PLCG2: variants seen among roughly 807,000 people sequenced by gnomAD.
PLCG2 encodes the protein phospholipase C gamma 2, also known as 1-phosphatidylinositol 4,5-bisphosphate phosphodiesterase gamma-2.
In PLCG2, 69 loss-of-function variants were observed where a neutral mutation model predicts 175.6. The ratio of observed to expected loss-of-function variants is 0.39; its 90% CI spans 0.32 to 0.48. The LOEUF is 0.48. Ranked by LOEUF, PLCG2 falls within the 20% of genes least tolerant of loss-of-function variation. The pLI is 0.91. For synonymous variants in PLCG2, 827 were observed against 624.0 expected, an observed-to-expected ratio of 1.33 and a Z score of -4.85; for missense variants, 1,798 against 1,650.9, an observed-to-expected ratio of 1.09 and a Z score of -1.54.
intron 19 of PLCG2, among the ~76,000 whole-genome samples, chr16:81,914,392 G>T (rs1438004697): frequency 1.3e-5 from 2 of 152,168 alleles, no homozygotes; most frequent in Non-Finnish European, 2.9e-5. Flanking sequence ...CCCCCTCCCT[G>T]AGCCAGGTGG....
intron 14 of PLCG2, among the ~76,000 whole-genome samples, chr16:81,904,930 C>T (rs1030386925): frequency 5.9e-5 from 9 of 152,178 alleles, no homozygotes; most frequent in African/African-American, 2.2e-4. Flanking sequence ...CTCTGTTGCC[C>T]AGGCTGGAGT....
At chr16:81,832,900 G>A (rs1905323993) in intron 2 of PLCG2, among the ~76,000 whole-genome samples, 1 of 152,230 alleles carries the variant, frequency 6.6e-6, no homozygotes, top group Non-Finnish European at 1.5e-5. Flanking sequence ...GTCAGCGTGT[G>A]AGGCCCAGGC....
At chr16:81,909,935 T>C (rs1017309358) in intron 17 of PLCG2, among the ~76,000 whole-genome samples, 2 of 141,762 alleles carry the variant, frequency 1.4e-5, no homozygotes, top group African/African-American at 5.2e-5. Context: ...TTGGTTCATA[T>C]GTGGCAGAGC....
At chr16:81,787,211 T>C (rs977290160) in intron 2 of PLCG2, among the ~76,000 whole-genome samples, 6 of 65,218 alleles carry the variant, frequency 9.2e-5, no homozygotes, top group African/African-American at 2.5e-4. Flanking sequence ...ATTGTACTCT[T>C]TTTTTTTTAA....
chr16:81,750,903 G>T (rs1325991556), intron 1 of PLCG2, among the ~76,000 whole-genome samples: 1 of 148,148 alleles, frequency 6.8e-6, no homozygotes, highest in Non-Finnish European at 1.5e-5. Context: ...TCGATCTCCT[G>T]ACCTCAAGAT....
In PLCG2 at chr16:81,871,568, C is replaced by T. The variant is rs543711935; in HGVS notation, c.648+633C>T. ...GGGTGGGCAGGTCTCGAACTTCTAA[C>T]CTCAACTGATCGGCCCGCCTCCACT... On this transcript the variant is annotated intron_variant, in intron 7 of 32. Coordinates refer to ENST00000564138, the MANE Select transcript of PLCG2 (RefSeq NM_002661.5). Among the ~76,000 whole-genome samples the T allele has an allele frequency of 4.6e-5, 7 of 152,260 alleles. No individual in the cohort carries two copies. The East Asian group carries it at 7.7e-4, about 17-fold the overall frequency.
At chr16:81,885,179 A>G (rs1908297271) in intron 9 of PLCG2, among the ~76,000 whole-genome samples, 1 of 152,072 alleles carries the variant, frequency 6.6e-6, no homozygotes, top group Non-Finnish European at 1.5e-5. Flanking sequence ...GGCGTCTGCC[A>G]CAACACCTGT....
At chr16:81,913,970 GC>G (rs1322237997) in intron 19 of PLCG2, among the ~76,000 whole-genome samples, 2 of 152,238 alleles carry the variant, frequency 1.3e-5, no homozygotes, top group Admixed American at 1.3e-4. Flanking sequence ...CACCAGCATG[GC>G]TTTTCTGTAC....
intron 2 of PLCG2, among the ~76,000 whole-genome samples, chr16:81,851,046 G>A (rs951581908): frequency 1.1e-4 from 17 of 152,164 alleles, no homozygotes; most frequent in African/African-American, 4.1e-4. Context: ...CCTCAGTGGG[G>A]TGTGACGGGG....
intron 2 of PLCG2, among the ~76,000 whole-genome samples, chr16:81,795,150 T>C (rs1911410246): frequency 6.6e-6 from 1 of 152,218 alleles, no homozygotes; most frequent in Non-Finnish European, 1.5e-5. Flanking sequence ...TGAAGATCTC[T>C]AGAGGATCTT....
intron 1 of PLCG2, among the ~76,000 whole-genome samples, chr16:81,784,689 G>T (rs1411344866): frequency 6.6e-6 from 1 of 152,110 alleles, no homozygotes. Context: ...TTGTTTTAAG[G>T]GCCTGAGATA....
intron 7 of PLCG2, among the ~76,000 whole-genome samples, chr16:81,871,564 C>A (rs1308657731): frequency 6.6e-6 from 1 of 152,174 alleles, no homozygotes; most frequent in African/African-American, 2.4e-5. Context: ...TCTCGAACTT[C>A]TAACCTCAAC....
At chr16:81,888,697 C>A (rs2143593639) in intron 9 of PLCG2, among the ~76,000 whole-genome samples, 1 of 152,280 alleles carries the variant, frequency 6.6e-6, no homozygotes, top group South Asian at 2.1e-4. Context: ...AGATGCCAAC[C>A]CAGGTAAGTG....
At chr16:81,928,431 G>A (rs1910366963) in intron 23 of PLCG2, 127 bp from the exon 24 acceptor site, 1 of 678,202 alleles carries the variant, frequency 1.5e-6, no homozygotes, top group African/African-American at 1.8e-5. Flanking sequence ...GGACGTATCT[G>A]GTAATGAAAA....
rs775689150 is a variant in PLCG2 at position 81,908,576 on chromosome 16, A to G, written c.1718A>G (p.Tyr573Cys). 3.7e-6 allele frequency: 6 copies of G among 1,610,636 alleles called. No homozygotes were observed. Among genetic ancestry groups the G allele is most frequent in the Non-Finnish European group, 5.1e-6 (6 of 1,179,028 alleles). Reference sequence around the variant, plus strand: ...GAGAGCGAGACCTTCCCCAATGACTACACCCTGTCCTTCTGGTAATGCCCC... The same window carrying G: ...GAGAGCGAGACCTTCCCCAATGACTGCACCCTGTCCTTCTGGTAATGCCCC... ...VRESETFPND[Y>C]TLSFWRSGRV... The change falls in exon 17 of 33, where the codon TAC becomes TGC. Residue 573 changes from tyrosine to cysteine, a missense_variant. By Grantham distance (194) the Tyr-to-Cys change is radical. Coordinates refer to ENST00000564138, the MANE Select transcript of PLCG2 (RefSeq NM_002661.5).
chr16:81,799,473 G>T (rs1911623903), intron 2 of PLCG2, among the ~76,000 whole-genome samples: 1 of 152,124 alleles, frequency 6.6e-6, no homozygotes, highest in Non-Finnish European at 1.5e-5. Flanking sequence ...CACCCAGGTT[G>T]GTGTGCAGTG....
rs1301281356 is a variant in PLCG2 at position 81,936,284 on chromosome 16, C to T, written c.2958C>T (p.Tyr986=). The T allele has an allele frequency of 1.2e-6, 2 of 1,614,222 alleles. No homozygotes were observed. Among genetic ancestry groups the T allele is most frequent in the East Asian group, 2.2e-5 (1 of 44,886 alleles). The stretch of plus-strand genomic sequence containing the variant: ...ATCAAAAGGGCCTGACCCGCGTCTA[C>T]CCAAAGGGACAAAGAGTTGACTCTT... ...KYNQKGLTRV[Y]PKGQRVDSSN... The change falls in exon 27 of 33, where the codon TAC becomes TAT. Residue 986 remains tyrosine (Y), a synonymous_variant. Transcript: ENST00000564138.
chr16:81,869,770 C>T (rs760395968), intron 6 of PLCG2, among the ~76,000 whole-genome samples: 1 of 152,130 alleles, frequency 6.6e-6, no homozygotes, highest in African/African-American at 2.4e-5. Flanking sequence ...TTCCATACAT[C>T]ATTAAATTTA....
chr16:81,762,483 C>T (rs1034997669), intron 2 of PLCG2, among the ~76,000 whole-genome samples: 2 of 151,802 alleles, frequency 1.3e-5, no homozygotes, highest in Non-Finnish European at 2.9e-5. Flanking sequence ...GCATGAGAAT[C>T]GCTTGATCCT....
Sources: gnomAD v4.1 joint callset for allele counts (sites outside exome capture counted in the v4.1 genomes callset) on GRCh38, gnomAD v4.1.1 for gene constraint, MANE v1.5 for transcripts, NCBI Gene and HGNC (gene_info 2026-07-23, HGNC 2026-07-21) for gene names.